Variants in GRIP1 observed in about 807,000 individuals in gnomAD.
The protein encoded by GRIP1 is glutamate receptor-interacting protein 1.
GRIP1 carries 45 observed loss-of-function variants against 129.9 expected under a neutral mutation model. That is an observed-to-expected ratio of 0.35 (90% CI 0.27 to 0.44). The LOEUF (loss-of-function observed/expected upper bound fraction) is 0.44. Among genes scored for constraint, GRIP1 ranks in the 20% least tolerant of loss-of-function variants. The pLI is 1.00. For missense variants in GRIP1, 1,196 were observed against 1,396.8 expected, an observed-to-expected ratio of 0.86 and a Z score of 2.29; for synonymous variants, 530 against 520.8, an observed-to-expected ratio of 1.02 and a Z score of -0.24.
intron 1 of GRIP1, among the ~76,000 whole-genome samples, chr12:67,005,308 C>T (rs1592456159): frequency 6.6e-6 from 1 of 152,186 alleles, no homozygotes; most frequent in East Asian, 1.9e-4. Context: ...ATAGTGGTAA[C>T]ATCTTCCAGC....
chr12:66,609,809 T>A (rs1469443184), intron 1 of GRIP1, among the ~76,000 whole-genome samples: 3 of 152,184 alleles, frequency 2.0e-5, no homozygotes, highest in Non-Finnish European at 4.4e-5. Flanking sequence ...TTTACAAACA[T>A]CTAGAATAAA....
intron 1 of GRIP1, among the ~76,000 whole-genome samples, chr12:67,043,910 A>G (rs2043215721): frequency 6.6e-6 from 1 of 152,136 alleles, no homozygotes; most frequent in Non-Finnish European, 1.5e-5. Context: ...GTGGAATTTC[A>G]AACAGTGAAT....
intron 2 of GRIP1, among the ~76,000 whole-genome samples, chr12:66,593,976 G>A (rs544975766): frequency 1.4e-5 from 2 of 145,254 alleles, no homozygotes; most frequent in South Asian, 2.2e-4. Flanking sequence ...GCTGAGGCAG[G>A]AGAATGGTGT....
chr12:66,686,175 G>A (rs894400806), intron 1 of GRIP1, among the ~76,000 whole-genome samples: 1 of 152,140 alleles, frequency 6.6e-6, no homozygotes, highest in African/African-American at 2.4e-5. Flanking sequence ...TGTGTTTTGT[G>A]CCCACCTTTC....
chr12:66,657,858 G>C (rs1253869386), intron 1 of GRIP1, among the ~76,000 whole-genome samples: 1 of 152,198 alleles, frequency 6.6e-6, no homozygotes, highest in Non-Finnish European at 1.5e-5. Flanking sequence ...AAGGCGACAG[G>C]AGGGATTCTA....
intron 1 of GRIP1, among the ~76,000 whole-genome samples, chr12:66,885,889 G>A (rs947673412): frequency 1.3e-5 from 2 of 152,158 alleles, no homozygotes; most frequent in African/African-American, 4.8e-5. Flanking sequence ...GAGCTACATG[G>A]AATTCAGGTA....
intron 4 of GRIP1, among the ~76,000 whole-genome samples, chr12:66,531,587 G>A (rs114713196): frequency 0.019 from 2,830 of 152,012 alleles, 82 homozygotes; most frequent in African/African-American, 0.065. Flanking sequence ...GTTCAAAAAT[G>A]TTTTGGTATA....
chr12:66,906,254 T>G (rs964139456), intron 1 of GRIP1, among the ~76,000 whole-genome samples: 14 of 151,488 alleles, frequency 9.2e-5, no homozygotes, highest in Admixed American at 3.3e-4. Flanking sequence ...CAAGACCTCA[T>G]CTCTACAAAA....
rs553437535 is a variant in GRIP1 at position 66,360,184 on chromosome 12, T to C, written c.3013-6621A>G. Among the ~76,000 whole-genome samples the C allele has an allele frequency of 6.7e-5, 8 of 119,662 alleles. No homozygotes were observed. The East Asian group carries it at 1.9e-3, about 29-fold the overall frequency. The allele number at this position is 119,662 out of a possible 152,430, so 78.5% of individuals were successfully genotyped here. A position where few individuals can be genotyped will look rare whatever the true frequency, so the allele number is the denominator to read the frequency against. ...GTTCTTTCCACCAAATCATGATTTT[T>C]TTTTTTTTCGACATGTAATCTCCTA... On this transcript the variant is annotated intron_variant, in intron 23 of 24. Transcript: ENST00000359742.
chr12:66,652,259 G>A (rs2032849177), intron 1 of GRIP1, among the ~76,000 whole-genome samples: 1 of 152,058 alleles, frequency 6.6e-6, no homozygotes. Context: ...CATGGGGGTG[G>A]TTTCCCCCAT....
intron 1 of GRIP1, among the ~76,000 whole-genome samples, chr12:66,723,043 T>G (rs780273862): frequency 6.6e-6 from 1 of 151,528 alleles, no homozygotes; most frequent in Non-Finnish European, 1.5e-5. Context: ...CAGGCCTTTA[T>G]TCACCCTATA....
chr12:66,721,009 C>T (rs1010850531), intron 1 of GRIP1, among the ~76,000 whole-genome samples: 2 of 152,100 alleles, frequency 1.3e-5, no homozygotes, highest in African/African-American at 4.8e-5. Flanking sequence ...GCAGCTATAA[C>T]CTTACAAAAT....
intron 7 of GRIP1, among the ~76,000 whole-genome samples, chr12:66,495,500 C>T (rs981223677): frequency 6.6e-6 from 1 of 151,930 alleles, no homozygotes; most frequent in Non-Finnish European, 1.5e-5. Flanking sequence ...ATATCTTGGG[C>T]AAGATATTAA....
At chr12:66,365,999 G>C (rs1457915373) in intron 23 of GRIP1, among the ~76,000 whole-genome samples, 2 of 152,226 alleles carry the variant, frequency 1.3e-5, no homozygotes, top group Admixed American at 1.3e-4. Context: ...AGGTCTGCCT[G>C]ACTAGGAAGC....
chr12:66,423,012 T>C (rs2057861944), intron 14 of GRIP1, among the ~76,000 whole-genome samples: 1 of 152,204 alleles, frequency 6.6e-6, no homozygotes, highest in South Asian at 2.1e-4. Flanking sequence ...AAACCAAGCA[T>C]GCTTTGCTTG....
At chr12:66,732,590 T>G (rs1405771399) in intron 1 of GRIP1, among the ~76,000 whole-genome samples, 1 of 152,092 alleles carries the variant, frequency 6.6e-6, no homozygotes, top group Non-Finnish European at 1.5e-5. Context: ...AAGACCTTTT[T>G]GATGACACTC....
At position 66,384,564 on chromosome 12, in the gene GRIP1, C is replaced by A. The variant is rs193215482; in HGVS notation, c.2465-5128G>T. On this transcript the variant is annotated intron_variant, in intron 19 of 24. Coordinates refer to ENST00000359742, the MANE Select transcript of GRIP1 (RefSeq NM_001366722.1). ...GAAGACCTTTGACTTTATCCTATAA[C>A]AATAGATAACCATCAAAAGAGGGTT... 5.3e-5 allele frequency among the ~76,000 whole-genome samples: 8 copies of A among 152,236 alleles called. No individual in the cohort carries two copies. In the East Asian group the frequency reaches 1.5e-3, roughly 29 times the overall value.
At chr12:67,042,299 A>G (rs2043192747) in intron 1 of GRIP1, among the ~76,000 whole-genome samples, 1 of 152,158 alleles carries the variant, frequency 6.6e-6, no homozygotes, top group South Asian at 2.1e-4. Flanking sequence ...ACAATTGCCT[A>G]CTGATTTTGT....
At chr12:66,443,517 T>C (rs1429687357) in intron 13 of GRIP1, among the ~76,000 whole-genome samples, 1 of 151,468 alleles carries the variant, frequency 6.6e-6, no homozygotes, top group African/African-American at 2.4e-5. Flanking sequence ...TGCAGTGGTG[T>C]GATCTCAGCT....
Sources: allele counts gnomAD v4.1 joint callset (sites outside exome capture counted in the v4.1 genomes callset), GRCh38; gene constraint gnomAD v4.1.1; transcripts MANE v1.5; gene names NCBI Gene and HGNC (gene_info 2026-07-23, HGNC 2026-07-21).